Variants in ARHGAP24 observed in about 807,000 individuals in gnomAD.
The protein encoded by ARHGAP24 is rho GTPase-activating protein 24.
In ARHGAP24, 50 loss-of-function variants were observed where a neutral mutation model predicts 76.4. The ratio of observed to expected loss-of-function variants is 0.65; its 90% CI spans 0.52 to 0.83. The LOEUF is 0.83. ARHGAP24 is among the 40% of genes least tolerant of loss of function. ARHGAP24 has a pLI of 0.00. For synonymous variants in ARHGAP24, 345 were observed against 323.3 expected (o/e 1.07, Z -0.72); for missense variants, 930 against 914.2 (o/e 1.02, Z -0.22).
At chr4:85,791,044 T>C (rs1728096172) in intron 3 of ARHGAP24, among the ~76,000 whole-genome samples, 1 of 152,188 alleles carries the variant, frequency 6.6e-6, no homozygotes. Flanking sequence ...AACTAAATAG[T>C]AGGCTTATGC....
chr4:85,868,876 A>G (rs1732357615), intron 3 of ARHGAP24, among the ~76,000 whole-genome samples: 1 of 152,062 alleles, frequency 6.6e-6, no homozygotes, highest in African/African-American at 2.4e-5. Flanking sequence ...ATTTCTAGTC[A>G]TCTTTCATAT....
At chr4:85,480,645 T>A (rs1218936982) in intron 1 of ARHGAP24, among the ~76,000 whole-genome samples, 1 of 152,178 alleles carries the variant, frequency 6.6e-6, no homozygotes, top group African/African-American at 2.4e-5. Flanking sequence ...GTTTTCTAGG[T>A]CATTTTTTGT....
At chr4:85,838,679 C>CCCCCT (rs201533000) in intron 3 of ARHGAP24, among the ~76,000 whole-genome samples, 1,682 of 152,240 alleles carry the variant, frequency 0.011, 31 homozygotes, top group African/African-American at 0.038. Flanking sequence ...GCAGATATGC[C>CCCCCT]CCCCACTTCT....
At chr4:85,527,311 G>C (rs1365660758) in intron 1 of ARHGAP24, among the ~76,000 whole-genome samples, 1 of 152,048 alleles carries the variant, frequency 6.6e-6, no homozygotes, top group African/African-American at 2.4e-5. Context: ...AGTTTTATTT[G>C]ATTATCAAAC....
At position 85,972,180 on chromosome 4, in the gene ARHGAP24, C is replaced by G. The variant is rs750424434; in HGVS notation, c.732+12C>G. 5 of 1,612,838 alleles carry G rather than the reference C, an allele frequency of 3.1e-6. No homozygotes were observed. In the South Asian group the frequency reaches 4.4e-5, roughly 14 times the overall value. On this transcript the variant is annotated intron_variant, in intron 6 of 9. Transcript: ENST00000395184. The stretch of plus-strand genomic sequence containing the variant: ...AGGAAGAGGAAGCAGTAAGTTGATG[C>G]ATTTATTTCCAAATAAGCTTTTGTT...
intron 2 of ARHGAP24, among the ~76,000 whole-genome samples, chr4:85,621,812 T>A (rs1720726951): frequency 6.6e-6 from 1 of 152,182 alleles, no homozygotes; most frequent in Non-Finnish European, 1.5e-5. Context: ...CATTTGCTTT[T>A]CAGGACTTAG....
chr4:85,836,834 C>T (rs1322342904), intron 3 of ARHGAP24, among the ~76,000 whole-genome samples: 1 of 152,194 alleles, frequency 6.6e-6, no homozygotes, highest in Non-Finnish European at 1.5e-5. Context: ...GTAAGAAATG[C>T]AGAGTCTCAA....
chr4:85,928,150 G>T (rs958420545), intron 4 of ARHGAP24, among the ~76,000 whole-genome samples: 11 of 152,124 alleles, frequency 7.2e-5, no homozygotes, highest in African/African-American at 2.7e-4. Flanking sequence ...CATGGTTTCT[G>T]CATAAAAGTC....
At chr4:85,940,742 T>C (rs2148824322) in intron 4 of ARHGAP24, among the ~76,000 whole-genome samples, 1 of 152,316 alleles carries the variant, frequency 6.6e-6, no homozygotes, top group East Asian at 1.9e-4. Context: ...TATACTTGAA[T>C]ATCGATACTA....
chr4:85,608,255 T>C (rs1021082403), intron 2 of ARHGAP24, among the ~76,000 whole-genome samples: 2 of 152,154 alleles, frequency 1.3e-5, no homozygotes, highest in African/African-American at 4.8e-5. Flanking sequence ...CTTTCAGACA[T>C]AAATACGGTA....
intron 2 of ARHGAP24, among the ~76,000 whole-genome samples, chr4:85,677,063 G>A (rs150326047): frequency 5.6e-4 from 85 of 152,260 alleles, no homozygotes; most frequent in African/African-American, 1.8e-3. Flanking sequence ...AAACGATTTC[G>A]TACAGGCTTT....
At chr4:85,912,977 T>C (rs1735170553) in intron 3 of ARHGAP24, among the ~76,000 whole-genome samples, 3 of 152,066 alleles carry the variant, frequency 2.0e-5, no homozygotes, top group Non-Finnish European at 2.9e-5. Flanking sequence ...GAGTGAAAAA[T>C]TTTTTGCATA....
chr4:85,753,923 G>A (rs1726370555), intron 3 of ARHGAP24, among the ~76,000 whole-genome samples: 2 of 152,094 alleles, frequency 1.3e-5, no homozygotes, highest in African/African-American at 4.8e-5. Context: ...CAATTATTCT[G>A]TTCTAGCTAT....
Position 85,532,011 on chromosome 4 carries a change from T to C in ARHGAP24, c.-20-38511T>C, listed in dbSNP as rs113078449. Among the ~76,000 whole-genome samples the C allele has an allele frequency of 9.6e-3, 1,467 of 152,200 alleles. 13 individuals carry two copies. The highest frequency in any genetic ancestry group is 0.019 in the East Asian group (96 of 5,180). ...GTGTATTTGAAGGTCAGATAAAACT[T>C]ATGAATAATAGATAGTGATACAAAC... On this transcript the variant is annotated intron_variant, in intron 1 of 9. Coordinates refer to ENST00000395184, the MANE Select transcript of ARHGAP24 (RefSeq NM_001025616.3).
intron 1 of ARHGAP24, among the ~76,000 whole-genome samples, chr4:85,517,495 A>G (rs1456265413): frequency 1.3e-5 from 2 of 152,190 alleles, no homozygotes; most frequent in Non-Finnish European, 2.9e-5. Context: ...AAAAATTATT[A>G]ATAGCCTAAA....
At chr4:85,733,801 C>T (rs1725505795) in intron 3 of ARHGAP24, among the ~76,000 whole-genome samples, 1 of 152,084 alleles carries the variant, frequency 6.6e-6, no homozygotes, top group African/African-American at 2.4e-5. Context: ...TTAGGGCCAC[C>T]CTCATCACCT....
At chr4:85,981,747 T>C (rs1739682046) in intron 8 of ARHGAP24, among the ~76,000 whole-genome samples, 1 of 152,150 alleles carries the variant, frequency 6.6e-6, no homozygotes, top group Admixed American at 6.5e-5. Context: ...AAGCCCTGTC[T>C]GGAAGGGAGT....
chr4:85,660,032 C>T (rs1722319604), intron 2 of ARHGAP24, among the ~76,000 whole-genome samples: 1 of 152,204 alleles, frequency 6.6e-6, no homozygotes, highest in South Asian at 2.1e-4. Flanking sequence ...TTGCCCTTAT[C>T]ACTTCTCATC....
At chr4:85,499,743 A>G (rs917269655) in intron 1 of ARHGAP24, among the ~76,000 whole-genome samples, 7 of 152,234 alleles carry the variant, frequency 4.6e-5, no homozygotes, top group African/African-American at 1.7e-4. Context: ...AGAAATCTCT[A>G]TAGAGACTCA....
Sources: allele counts gnomAD v4.1 joint callset (sites outside exome capture counted in the v4.1 genomes callset), GRCh38; gene constraint gnomAD v4.1.1; transcripts MANE v1.5; gene names NCBI Gene and HGNC (gene_info 2026-07-23, HGNC 2026-07-21).